Variants in SAMMSON observed in about 807,000 individuals in gnomAD.
The protein encoded by SAMMSON is long intergenic non-protein coding RNA 1212.
At chr3:70,129,592 C>G (rs2067473664) in intron 4 of SAMMSON, among the ~76,000 whole-genome samples, 1 of 152,160 alleles carries the variant, frequency 6.6e-6, no homozygotes, top group Non-Finnish European at 1.5e-5. Flanking sequence ...TAGTCAGACT[C>G]AGATCTTTTA....
intron 3 of SAMMSON, among the ~76,000 whole-genome samples, chr3:70,036,252 G>A (rs1356172339): frequency 6.6e-6 from 1 of 152,092 alleles, no homozygotes; most frequent in African/African-American, 2.4e-5. Context: ...CTGGAGTATT[G>A]TAGATTCTAG....
intron 4 of SAMMSON, among the ~76,000 whole-genome samples, chr3:70,152,777 T>C (rs1048495410): frequency 3.3e-5 from 5 of 152,070 alleles, no homozygotes; most frequent in Non-Finnish European, 7.4e-5. Flanking sequence ...GTAGAAGGTA[T>C]TGCTTCATGT....
chr3:70,338,139 G>A (rs1017251561), intron 7 of SAMMSON, among the ~76,000 whole-genome samples: 4 of 151,902 alleles, frequency 2.6e-5, no homozygotes, highest in Non-Finnish European at 5.9e-5. Flanking sequence ...ATTTGAACAA[G>A]CCTGTGCTAG....
chr3:70,237,683 T>C (rs1218134212), intron 4 of SAMMSON, among the ~76,000 whole-genome samples: 2 of 152,216 alleles, frequency 1.3e-5, no homozygotes, highest in Non-Finnish European at 2.9e-5. Context: ...AACCTTTTGT[T>C]ATCTAACATG....
At chr3:70,202,565 G>A (rs773655527) in intron 4 of SAMMSON, among the ~76,000 whole-genome samples, 4 of 152,126 alleles carry the variant, frequency 2.6e-5, no homozygotes, top group Non-Finnish European at 4.4e-5. Context: ...TCTAATCACT[G>A]CTATTGAAGT....
At chr3:70,109,716 C>T (rs1295969114) in intron 4 of SAMMSON, among the ~76,000 whole-genome samples, 1 of 152,150 alleles carries the variant, frequency 6.6e-6, no homozygotes, top group Non-Finnish European at 1.5e-5. Flanking sequence ...ACGTGGGATC[C>T]ACTCTGTGAT....
intron 3 of SAMMSON, among the ~76,000 whole-genome samples, chr3:70,041,600 G>A (rs549366378): frequency 6.6e-5 from 10 of 151,562 alleles, no homozygotes; most frequent in Non-Finnish European, 1.0e-4. Flanking sequence ...CTGTGGATTC[G>A]AGCAACCACA....
At chr3:70,066,551 A>G (rs1309647196) in intron 3 of SAMMSON, among the ~76,000 whole-genome samples, 3 of 152,148 alleles carry the variant, frequency 2.0e-5, no homozygotes. Context: ...GTTGAAATGT[A>G]ATCTCCATTT....
At chr3:70,294,871 G>A (rs574375408) in intron 7 of SAMMSON, among the ~76,000 whole-genome samples, 1 of 152,136 alleles carries the variant, frequency 6.6e-6, no homozygotes, top group Admixed American at 6.6e-5. Context: ...CAAAATAGGA[G>A]ACTATCTTTT....
intron 2 of SAMMSON, among the ~76,000 whole-genome samples, chr3:70,428,039 C>A (rs1167958845): frequency 1.3e-5 from 2 of 151,890 alleles, no homozygotes; most frequent in African/African-American, 4.8e-5. Context: ...GTAAAGTTGG[C>A]AAAATATGTG....
chr3:70,111,291 G>T (rs1250116697), intron 4 of SAMMSON, among the ~76,000 whole-genome samples: 3 of 152,144 alleles, frequency 2.0e-5, no homozygotes. Flanking sequence ...CCAATTCGTT[G>T]TTGGGTTCAA....
exon 2 of SAMMSON, chr3:70,012,592 G>T (rs1451444029): frequency 6.6e-6 from 1 of 152,154 alleles, no homozygotes; most frequent in African/African-American, 2.4e-5. Context: ...ACCTCTAGAT[G>T]TGTAAGGTAA....
downstream of SAMMSON, among the ~76,000 whole-genome samples, chr3:70,392,659 A>G (rs1701059942): frequency 6.6e-6 from 1 of 152,172 alleles, no homozygotes; most frequent in South Asian, 2.1e-4. Flanking sequence ...GTGCGAATTC[A>G]GCCTCTACCA....
chr3:70,203,666 A>T (rs1481514425), intron 4 of SAMMSON, among the ~76,000 whole-genome samples: 6 of 152,146 alleles, frequency 3.9e-5, no homozygotes, highest in Non-Finnish European at 5.9e-5. Context: ...AGAAAATGTA[A>T]TCATTTTATT....
In SAMMSON at chr3:70,349,407, C is replaced by G. The variant is rs115314282; in HGVS notation, n.740-4768C>G. On this transcript the variant is annotated intron_variant and non_coding_transcript_variant, in intron 7 of 9. Transcript: ENST00000642114. ...AATAAAATAATGGGAGGTCAGCTTT[C>G]AGAAAGTGGGGAGCATTTGCCAGAG... is the stretch of plus-strand genomic sequence containing the variant. Among the ~76,000 whole-genome samples, 1,467 of 151,994 alleles carry G rather than the reference C, an allele frequency of 9.7e-3. 26 individuals are homozygous for G. Among genetic ancestry groups the G allele is most frequent in the African/African-American group, 0.034 (1,412 of 41,438 alleles).
intron 3 of SAMMSON, among the ~76,000 whole-genome samples, chr3:70,026,708 G>A (rs1257716580): frequency 2.6e-5 from 4 of 152,202 alleles, no homozygotes; most frequent in Admixed American, 6.5e-5. Flanking sequence ...TGATCACGCA[G>A]TAAAAGGAGC....
chr3:70,335,080 T>A (rs1702651243), intron 7 of SAMMSON, among the ~76,000 whole-genome samples: 1 of 150,336 alleles, frequency 6.7e-6, no homozygotes, highest in Non-Finnish European at 1.5e-5. Context: ...AAAAAACAAC[T>A]CTATAGTTCC....
intron 7 of SAMMSON, among the ~76,000 whole-genome samples, chr3:70,328,373 G>A (rs1702596115): frequency 6.6e-6 from 1 of 152,138 alleles, no homozygotes; most frequent in Non-Finnish European, 1.5e-5. Flanking sequence ...AATGACATAG[G>A]TGATAGAATT....
At chr3:70,196,231 AC>A (rs778808539) in intron 4 of SAMMSON, among the ~76,000 whole-genome samples, 1 of 152,164 alleles carries the variant, frequency 6.6e-6, no homozygotes, top group Non-Finnish European at 1.5e-5. Flanking sequence ...AATATGAATA[AC>A]CTGTTATGAC....
Sources: allele counts gnomAD v4.1 joint callset (sites outside exome capture counted in the v4.1 genomes callset), GRCh38; gene constraint gnomAD v4.1.1; transcripts MANE v1.5; gene names NCBI Gene and HGNC (gene_info 2026-07-23, HGNC 2026-07-21).